RAB10: variants seen among roughly 807,000 people sequenced by gnomAD.
The protein encoded by RAB10 is ras-related protein Rab-10.
Under a neutral mutation model 25.7 loss-of-function variants are expected in RAB10, and 5 were observed. The observed-to-expected ratio is 0.19, with a 90% CI of 0.10 to 0.41. The LOEUF is 0.41. Among genes scored for constraint, RAB10 ranks in the 10% least tolerant of loss-of-function variants. RAB10 has a pLI of 1.00. For synonymous variants in RAB10, 89 were observed against 86.4 expected (o/e 1.03, Z -0.16); for missense variants, 103 against 245.8 (o/e 0.42, Z 3.89).
intron 1 of RAB10, among the ~76,000 whole-genome samples, chr2:26,088,704 C>T (rs1031561148): frequency 5.3e-5 from 8 of 152,154 alleles, no homozygotes; most frequent in Non-Finnish European, 8.8e-5. Context: ...ACCTCCCCCT[C>T]CCCGGTTCAA....
intron 3 of RAB10, among the ~76,000 whole-genome samples, chr2:26,117,058 T>G (rs1412935676): frequency 1.3e-5 from 2 of 152,176 alleles, no homozygotes; most frequent in African/African-American, 4.8e-5. Flanking sequence ...TAAATCTGTG[T>G]TTTCTGAAGC....
rs1668048833 is a variant in RAB10, at chr2:26,133,573, G to A, written c.520-1365G>A. Among the ~76,000 whole-genome samples the A allele has an allele frequency of 2.0e-5, 3 of 152,070 alleles. No homozygotes were observed. In the South Asian group the frequency reaches 6.2e-4, roughly 32 times the overall value. On this transcript the variant is annotated intron_variant, in intron 5 of 5. Coordinates refer to ENST00000264710, the MANE Select transcript of RAB10 (RefSeq NM_016131.5). ...TATCAGGCTTACACTTAAGCTTTAT[G>A]TACTTTTCTGTATGTAAGGTATCAC...
chr2:26,077,404 G>C (rs1413969987), intron 1 of RAB10, among the ~76,000 whole-genome samples: 6 of 152,060 alleles, frequency 3.9e-5, no homozygotes, highest in African/African-American at 7.2e-5. Context: ...TCCATTAGCT[G>C]GTACTGTGGA....
At chr2:26,106,060 G>A (rs1182431153) in intron 2 of RAB10, among the ~76,000 whole-genome samples, 6 of 152,206 alleles carry the variant, frequency 3.9e-5, no homozygotes, top group Admixed American at 2.0e-4. Context: ...TATATAAAGA[G>A]GAAATAGCTA....
At chr2:26,080,034 T>C (rs1309227035) in intron 1 of RAB10, among the ~76,000 whole-genome samples, 1 of 152,080 alleles carries the variant, frequency 6.6e-6, no homozygotes, top group East Asian at 1.9e-4. Flanking sequence ...GTAGGAGAAA[T>C]ACAGAATGAT....
At chr2:26,116,222 T>C (rs1280071935) in intron 3 of RAB10, among the ~76,000 whole-genome samples, 3 of 152,144 alleles carry the variant, frequency 2.0e-5, no homozygotes. Flanking sequence ...CTCACCATGT[T>C]GCCCGGGCTG....
chr2:26,034,145 T>A lies in RAB10; in HGVS notation c.-464T>A, dbSNP rs1224156727. 3 of 406,092 alleles carry A rather than the reference T, an allele frequency of 7.4e-6. No individual in the cohort carries two copies. The highest frequency in any genetic ancestry group is 8.7e-6 in the Non-Finnish European group (2 of 229,768). 25.2% of individuals were successfully genotyped at this position (406,092 alleles called of 1,614,324 possible). A position where few individuals can be genotyped will look rare whatever the true frequency, so the allele number is the denominator to read the frequency against. The stretch of plus-strand genomic sequence containing the variant: ...GGGGAAAAGGTGGCTCTGGCCGGGG[T>A]GGCTCGGTTTCCTGGGGCTATGTAA... On this transcript the variant is annotated 5_prime_UTR_variant, in exon 1 of 6. Transcript: ENST00000264710.
chr2:26,041,266 C>T (rs551357172), intron 1 of RAB10, among the ~76,000 whole-genome samples: 10 of 152,166 alleles, frequency 6.6e-5, no homozygotes, highest in Admixed American at 2.6e-4. Context: ...TGTGGCCGGG[C>T]GCAGTGGCTC....
At chr2:26,044,839 C>T (rs954770567) in intron 1 of RAB10, among the ~76,000 whole-genome samples, 2 of 152,038 alleles carry the variant, frequency 1.3e-5, no homozygotes, top group African/African-American at 2.4e-5. Flanking sequence ...AGCCATTGCG[C>T]CCCGCCAGGA....
chr2:26,135,497 C>G lies in RAB10; in HGVS notation c.*476C>G, dbSNP rs1191870522. 6.5e-6 allele frequency: 1 copy of G among 152,894 alleles called. No individual in the cohort carries two copies. Among genetic ancestry groups the G allele is most frequent in the Non-Finnish European group, 1.5e-5 (1 of 68,282 alleles). 9.5% of individuals were successfully genotyped at this position (152,894 alleles called of 1,614,324 possible). ...AAGCCAGGAAAACACTCATTTTCGC[C>G]TTGAATATGTAAATGGGATTAATTT... On this transcript the variant is annotated 3_prime_UTR_variant, in exon 6 of 6. Transcript: ENST00000264710.
chr2:26,135,348 A>T lies in RAB10; in HGVS notation c.*327A>T, dbSNP rs1396216830. On this transcript the variant is annotated 3_prime_UTR_variant, in exon 6 of 6. Coordinates refer to ENST00000264710, the MANE Select transcript of RAB10 (RefSeq NM_016131.5). Reference sequence around the variant, plus strand: ...GCAATCATTTCAAATCTATTCTGCAAATTGTATAAGAATAAAGTTAGAATT... The same window carrying T: ...GCAATCATTTCAAATCTATTCTGCATATTGTATAAGAATAAAGTTAGAATT... 9.9e-6 allele frequency: 2 copies of T among 202,520 alleles called. No individual in the cohort carries two copies. The highest frequency in any genetic ancestry group is 4.6e-5 in the African/African-American group (2 of 43,250). The allele number at this position is 202,520 out of a possible 1,614,324, so 12.5% of individuals were successfully genotyped here.
rs1048685830 is a variant in RAB10, at chr2:26,057,453, AAAAT to A, written c.127+22722_127+22725del. Among the ~76,000 whole-genome samples, 6 of 152,176 alleles carry A rather than the reference AAAAT, an allele frequency of 3.9e-5. No homozygotes were observed. The East Asian group carries it at 1.2e-3, about 29-fold the overall frequency. ...GTCTCTAAAAAAAAAAAAAAATTAA[AAAAT>A]AAAAACTATAAGGAATATTAACATT... is the stretch of plus-strand genomic sequence containing the variant. On this transcript the variant is annotated intron_variant, in intron 1 of 5. Transcript: ENST00000264710.
At chr2:26,131,339 T>C (rs777671961) in intron 5 of RAB10, among the ~76,000 whole-genome samples, 2 of 152,182 alleles carry the variant, frequency 1.3e-5, no homozygotes, top group Non-Finnish European at 2.9e-5. Context: ...ATTTGTTGTA[T>C]TGGGCTGTGT....
intron 1 of RAB10, among the ~76,000 whole-genome samples, chr2:26,075,882 ATAAG>A (rs1238834397): frequency 6.6e-6 from 1 of 152,068 alleles, no homozygotes; most frequent in Non-Finnish European, 1.5e-5. Flanking sequence ...GGGTTAGGAG[ATAAG>A]TAAGCAGGTT....
chr2:26,117,340 C>T (rs1440611892), intron 3 of RAB10, among the ~76,000 whole-genome samples: 1 of 151,704 alleles, frequency 6.6e-6, no homozygotes, highest in Non-Finnish European at 1.5e-5. Context: ...GGTCCGGGTG[C>T]GGGGGGCTCA....
chr2:26,036,823 T>C (rs963355668), intron 1 of RAB10, among the ~76,000 whole-genome samples: 12 of 151,770 alleles, frequency 7.9e-5, no homozygotes, highest in African/African-American at 2.9e-4. Flanking sequence ...TGAGCCTCAC[T>C]CTGTGGCCCA....
At chr2:26,047,890 A>AT (rs1397871350) in intron 1 of RAB10, among the ~76,000 whole-genome samples, 4 of 150,422 alleles carry the variant, frequency 2.7e-5, no homozygotes, top group Non-Finnish European at 5.9e-5. Context: ...CACCCAGCTA[A>AT]TTTTTTTGTA....
rs1463327623 is a variant in RAB10 at position 26,069,499 on chromosome 2, C to T, written c.128-29163C>T. On this transcript the variant is annotated intron_variant, in intron 1 of 5. Transcript: ENST00000264710. Reference sequence around the variant, plus strand: ...TGGCCAATGTGGTGAAACCCTGTCTCTACTAAAAATACAAAAATTAGCTGG... The same window carrying T: ...TGGCCAATGTGGTGAAACCCTGTCTTTACTAAAAATACAAAAATTAGCTGG... Among the ~76,000 whole-genome samples, 6 of 151,822 alleles carry T rather than the reference C, an allele frequency of 4.0e-5. No homozygotes were observed. In the East Asian group the frequency reaches 7.8e-4, roughly 20 times the overall value.
At chr2:26,061,387 G>C (rs1666391405) in intron 1 of RAB10, among the ~76,000 whole-genome samples, 1 of 151,786 alleles carries the variant, frequency 6.6e-6, no homozygotes, top group Admixed American at 6.6e-5. Flanking sequence ...AAAGTGCTGG[G>C]ATTACATGTG....
Sources: allele counts gnomAD v4.1 joint callset (sites outside exome capture counted in the v4.1 genomes callset), GRCh38; gene constraint gnomAD v4.1.1; transcripts MANE v1.5; gene names NCBI Gene and HGNC (gene_info 2026-07-23, HGNC 2026-07-21).